CRY1: variants seen among roughly 807,000 people sequenced by gnomAD.
CRY1 encodes cryptochrome circadian regulator 1.
In CRY1, 45 loss-of-function variants were observed where a neutral mutation model predicts 76.0. That is an observed-to-expected ratio of 0.59 (90% CI 0.47 to 0.76). The LOEUF is 0.76. CRY1 is among the 30% of genes least tolerant of loss of function. The probability of loss-of-function intolerance (pLI) is 0.00; values close to 1 mark genes in which losing one functional copy is unlikely to be tolerated. For synonymous variants in CRY1, 248 were observed against 244.0 expected (o/e 1.02, Z -0.15); for missense variants, 587 against 716.4 (o/e 0.82, Z 2.06).
chr12:107,012,414 TTTA>T (rs1277083551), intron 2 of CRY1, among the ~76,000 whole-genome samples: 1 of 152,180 alleles, frequency 6.6e-6, no homozygotes, highest in Non-Finnish European at 1.5e-5. Flanking sequence ...TACAACATGG[TTTA>T]TACATATTTT....
intron 1 of CRY1, among the ~76,000 whole-genome samples, chr12:107,082,656 G>A (rs1401569015): frequency 6.6e-6 from 1 of 152,148 alleles, no homozygotes; most frequent in Non-Finnish European, 1.5e-5. Flanking sequence ...TGAGAACAAA[G>A]AGATAACATA....
At chr12:107,090,961 A>T (rs767092966) in intron 1 of CRY1, among the ~76,000 whole-genome samples, 6 of 152,100 alleles carry the variant, frequency 3.9e-5, no homozygotes, top group Non-Finnish European at 5.9e-5. Context: ...TCAAGCCAAA[A>T]ATTTTCTCAA....
At chr12:106,998,659 AACAC>A (rs10522970) in intron 7 of CRY1, among the ~76,000 whole-genome samples, 39 of 143,434 alleles carry the variant, frequency 2.7e-4, no homozygotes, top group African/African-American at 7.2e-4. Context: ...TAAGAGATTA[AACAC>A]ACACACACAC....
chr12:107,043,644 T>C (rs80002652), intron 1 of CRY1, among the ~76,000 whole-genome samples: 1,621 of 152,282 alleles, frequency 0.011, 16 homozygotes, highest in Non-Finnish European at 0.017. Flanking sequence ...CTGGACTAGC[T>C]ACCTAGAGTG....
rs199616706 is a variant in CRY1 at position 107,092,758 on chromosome 12, G to T, written c.158+46C>A. Reference sequence around the variant, plus strand: ...GATCGCATGGAATTCATTAACATCAGACTCATTAAACACCCAAATCCATTT... The same window carrying T: ...GATCGCATGGAATTCATTAACATCATACTCATTAAACACCCAAATCCATTT... On this transcript the variant is annotated intron_variant, in intron 1 of 12. Coordinates refer to ENST00000008527, the MANE Select transcript of CRY1 (RefSeq NM_004075.5). 170 of 1,605,446 alleles carry T rather than the reference G, an allele frequency of 1.1e-4. No homozygotes were observed. In the African/African-American group the frequency reaches 2.0e-3, roughly 19 times the overall value.
chr12:107,021,393 G>T (rs1482219796), intron 2 of CRY1, among the ~76,000 whole-genome samples: 2 of 152,152 alleles, frequency 1.3e-5, no homozygotes, highest in African/African-American at 4.8e-5. Flanking sequence ...AAATGTACTG[G>T]CCCATGTGAG....
At chr12:107,072,791 T>C (rs1953206082) in intron 1 of CRY1, 1 of 152,232 alleles carries the variant, frequency 6.6e-6, no homozygotes, top group Admixed American at 6.5e-5. Flanking sequence ...ATGGGTGATA[T>C]TACACAGACA....
intron 1 of CRY1, among the ~76,000 whole-genome samples, chr12:107,055,017 G>A (rs1593528274): frequency 6.6e-6 from 1 of 152,022 alleles, no homozygotes; most frequent in African/African-American, 2.4e-5. Context: ...GAGTACAGAA[G>A]ATTTGGACAA....
chr12:106,996,955 C>T (rs536683498), intron 10 of CRY1, among the ~76,000 whole-genome samples: 1 of 152,262 alleles, frequency 6.6e-6, no homozygotes, highest in Non-Finnish European at 1.5e-5. Flanking sequence ...TAACTAATTA[C>T]CTTATAGTTG....
Position 107,001,381 on chromosome 12 carries a change from A to G in CRY1, c.596-13T>C. 1 of 1,589,462 alleles carries G rather than the reference A, an allele frequency of 6.3e-7. No homozygotes were observed. The highest frequency in any genetic ancestry group is 1.4e-5 in the African/African-American group (1 of 73,550). ...TCTGTATCAAAACCTACAAGAAAGAAAAGAAAAAAACATCATTCTTCCGAA... is the reference window on the plus strand; with the variant it reads ...TCTGTATCAAAACCTACAAGAAAGAGAAGAAAAAAACATCATTCTTCCGAA... On this transcript the variant is annotated splice_polypyrimidine_tract_variant and intron_variant, in intron 4 of 12. Coordinates refer to ENST00000008527, the MANE Select transcript of CRY1 (RefSeq NM_004075.5).
At chr12:107,000,382 C>CG (rs1952293703) in intron 5 of CRY1, among the ~76,000 whole-genome samples, 1 of 151,728 alleles carries the variant, frequency 6.6e-6, no homozygotes, top group African/African-American at 2.4e-5. Context: ...GACAGGGTCT[C>CG]GCTCTGTCAC....
At chr12:107,039,742 A>G (rs1952777051) in intron 1 of CRY1, among the ~76,000 whole-genome samples, 1 of 152,196 alleles carries the variant, frequency 6.6e-6, no homozygotes, top group South Asian at 2.1e-4. Flanking sequence ...TCAGTGTAGA[A>G]AAAAGCATAG....
chr12:107,076,765 T>C (rs546250142), intron 1 of CRY1, among the ~76,000 whole-genome samples: 1 of 151,594 alleles, frequency 6.6e-6, no homozygotes, highest in Non-Finnish European at 1.5e-5. Context: ...TACTGGGAGG[T>C]GACTGGATCA....
chr12:107,063,671 C>T (rs1953075849), intron 1 of CRY1, among the ~76,000 whole-genome samples: 1 of 152,090 alleles, frequency 6.6e-6, no homozygotes, highest in Non-Finnish European at 1.5e-5. Context: ...GATCTCGGCT[C>T]ACTGCAACCT....
intron 10 of CRY1, among the ~76,000 whole-genome samples, chr12:106,995,828 C>A (rs910568677): frequency 6.6e-6 from 1 of 151,924 alleles, no homozygotes; most frequent in African/African-American, 2.4e-5. Flanking sequence ...CCCAACAGAC[C>A]CCAGCATGTG....
At chr12:107,019,814 G>A (rs372781345) in intron 2 of CRY1, among the ~76,000 whole-genome samples, 31 of 151,960 alleles carry the variant, frequency 2.0e-4, no homozygotes, top group African/African-American at 6.8e-4. Context: ...TTAGCTACTC[G>A]ATCCTGTAGT....
intron 1 of CRY1, among the ~76,000 whole-genome samples, chr12:107,062,843 C>A (rs1213430048): frequency 6.6e-6 from 1 of 152,128 alleles, no homozygotes; most frequent in Non-Finnish European, 1.5e-5. Flanking sequence ...CAGTCAATAG[C>A]TTCATAAGTG....
intron 1 of CRY1, among the ~76,000 whole-genome samples, chr12:107,061,699 T>C (rs1050978783): frequency 2.6e-5 from 4 of 152,122 alleles, no homozygotes; most frequent in African/African-American, 7.2e-5. Context: ...CATTCTTTAG[T>C]TGCATTTGGA....
At chr12:107,073,439 A>G (rs1348563380) in intron 1 of CRY1, among the ~76,000 whole-genome samples, 1 of 152,186 alleles carries the variant, frequency 6.6e-6, no homozygotes, top group Non-Finnish European at 1.5e-5. Context: ...AAAGACTGCC[A>G]TTACTGGCTG....
Sources: allele counts gnomAD v4.1 joint callset (sites outside exome capture counted in the v4.1 genomes callset), GRCh38; gene constraint gnomAD v4.1.1; transcripts MANE v1.5; gene names NCBI Gene and HGNC (gene_info 2026-07-23, HGNC 2026-07-21).